CACNA2D1: variants seen among roughly 807,000 people sequenced by gnomAD.
CACNA2D1 encodes voltage-dependent calcium channel subunit alpha-2/delta-1.
CACNA2D1 carries 53 observed loss-of-function variants against 171.5 expected under a neutral mutation model. That is an observed-to-expected ratio of 0.31 (90% CI 0.25 to 0.39). The LOEUF is 0.39. Ranked by LOEUF, CACNA2D1 falls within the 10% of genes least tolerant of loss-of-function variation. The pLI is 1.00. For missense variants in CACNA2D1, 903 were observed against 1,299.8 expected (o/e 0.69, Z 4.69); for synonymous variants, 442 against 443.1 (o/e 1.00, Z 0.03).
At chr7:81,961,561 G>A (rs947961125) in intron 36 of CACNA2D1, among the ~76,000 whole-genome samples, 2 of 150,918 alleles carry the variant, frequency 1.3e-5, no homozygotes, top group Non-Finnish European at 3.0e-5. Flanking sequence ...TTTTTAATAT[G>A]GGTTATTTTA....
chr7:82,191,711 C>T (rs552686306), intron 3 of CACNA2D1, among the ~76,000 whole-genome samples: 1 of 151,864 alleles, frequency 6.6e-6, no homozygotes, highest in Non-Finnish European at 1.5e-5. Flanking sequence ...TTGTTAGAGG[C>T]ATACGTGTGT....
At chr7:82,299,006 T>C (rs1414234336) in intron 3 of CACNA2D1, among the ~76,000 whole-genome samples, 2 of 145,028 alleles carry the variant, frequency 1.4e-5, no homozygotes, top group Non-Finnish European at 3.0e-5. Context: ...GAGGCTGCAG[T>C]GAGCTGAGAT....
intron 1 of CACNA2D1, among the ~76,000 whole-genome samples, chr7:82,394,149 G>A (rs1585790853): frequency 6.6e-6 from 1 of 152,280 alleles, no homozygotes; most frequent in Non-Finnish European, 1.5e-5. Flanking sequence ...GGTTGAAAAT[G>A]GAGGGGGAGG....
At chr7:82,035,968 T>C (rs957545616) in intron 11 of CACNA2D1, among the ~76,000 whole-genome samples, 1 of 152,100 alleles carries the variant, frequency 6.6e-6, no homozygotes, top group Non-Finnish European at 1.5e-5. Flanking sequence ...GGGCTGCACA[T>C]CTCTGATTTT....
At chr7:82,016,431 A>G (rs1800458713) in intron 12 of CACNA2D1, among the ~76,000 whole-genome samples, 1 of 152,078 alleles carries the variant, frequency 6.6e-6, no homozygotes, top group Non-Finnish European at 1.5e-5. Flanking sequence ...CATCTAGTAA[A>G]ACATTTTTCA....
chr7:82,359,868 T>C (rs1196813845), intron 1 of CACNA2D1, among the ~76,000 whole-genome samples: 1 of 152,124 alleles, frequency 6.6e-6, no homozygotes, highest in East Asian at 1.9e-4. Flanking sequence ...ACAGGTAATA[T>C]CTATTGAGCA....
intron 6 of CACNA2D1, among the ~76,000 whole-genome samples, chr7:82,100,242 G>A (rs1812514701): frequency 6.6e-6 from 1 of 152,088 alleles, no homozygotes; most frequent in Admixed American, 6.5e-5. Context: ...TAGTCTCAAA[G>A]GGGCTTTTCC....
At chr7:82,179,662 G>C (rs1436497848) in intron 3 of CACNA2D1, among the ~76,000 whole-genome samples, 1 of 152,066 alleles carries the variant, frequency 6.6e-6, no homozygotes, top group Non-Finnish European at 1.5e-5. Context: ...AACTAAGGAA[G>C]CATAATATAG....
chr7:82,321,829 A>T (rs1321511655), intron 3 of CACNA2D1, among the ~76,000 whole-genome samples: 3 of 152,150 alleles, frequency 2.0e-5, no homozygotes, highest in Non-Finnish European at 4.4e-5. Context: ...ATCATTTCTT[A>T]AAAAACAAGC....
chr7:82,374,222 G>A (rs1822751249), intron 1 of CACNA2D1, among the ~76,000 whole-genome samples: 1 of 152,142 alleles, frequency 6.6e-6, no homozygotes, highest in Non-Finnish European at 1.5e-5. Context: ...AGGTAATTTA[G>A]GAAGAGTCTC....
chr7:82,250,759 C>A (rs1805534945), intron 3 of CACNA2D1, among the ~76,000 whole-genome samples: 1 of 152,000 alleles, frequency 6.6e-6, no homozygotes, highest in African/African-American at 2.4e-5. Flanking sequence ...TTTGTCTGTT[C>A]TTCTTTTCTT....
chr7:82,416,573 G>A (rs1828188955), intron 1 of CACNA2D1, among the ~76,000 whole-genome samples: 1 of 152,136 alleles, frequency 6.6e-6, no homozygotes, highest in Non-Finnish European at 1.5e-5. Context: ...ATTCTTTGGT[G>A]TATGGCAGCA....
At position 82,415,198 on chromosome 7, in the gene CACNA2D1, T is replaced by A. The variant is rs570030230; in HGVS notation, c.95+28167A>T. Among the ~76,000 whole-genome samples the A allele has an allele frequency of 9.9e-5, 15 of 152,220 alleles. No homozygotes were observed. In the East Asian group the frequency reaches 2.9e-3, roughly 29 times the overall value. On this transcript the variant is annotated intron_variant, in intron 1 of 38. Transcript: ENST00000356860. ...TACAAATCTCTTTGTCCAAGAATGCTAGAAAAAATCCCTAGGCATGAAGTC... is the reference window on the plus strand; with the variant it reads ...TACAAATCTCTTTGTCCAAGAATGCAAGAAAAAATCCCTAGGCATGAAGTC...
intron 4 of CACNA2D1, among the ~76,000 whole-genome samples, chr7:82,162,404 C>G (rs537891089): frequency 1.3e-5 from 2 of 151,836 alleles, no homozygotes; most frequent in African/African-American, 4.8e-5. Context: ...AGAAAGAAAT[C>G]CACGGCTAGG....
intron 10 of CACNA2D1, among the ~76,000 whole-genome samples, chr7:82,044,039 C>G (rs781667586): frequency 6.6e-6 from 1 of 152,134 alleles, no homozygotes; most frequent in Non-Finnish European, 1.5e-5. Context: ...CTCAACCTGT[C>G]TTTTTAAAAT....
At position 82,281,027 on chromosome 7, in the gene CACNA2D1, T is replaced by C. The variant is rs543735453; in HGVS notation, c.294+54108A>G. ...CAAATTGGTCTGATCATTAAGGAAT[T>C]TACTAAACTGGAGAACAAGGAAGTC... On this transcript the variant is annotated intron_variant, in intron 3 of 38. Coordinates refer to ENST00000356860, the MANE Select transcript of CACNA2D1 (RefSeq NM_000722.4). Among the ~76,000 whole-genome samples the C allele has an allele frequency of 2.0e-5, 3 of 152,264 alleles. No homozygotes were observed. In the East Asian group the frequency reaches 5.8e-4, roughly 29 times the overall value.
intron 3 of CACNA2D1, among the ~76,000 whole-genome samples, chr7:82,247,288 T>A (rs528292880): frequency 2.2e-4 from 33 of 152,108 alleles, no homozygotes; most frequent in East Asian, 1.9e-3. Context: ...GGCGGGCAGA[T>A]CACTTGAGGC....
At chr7:82,437,986 C>T (rs886744108) in intron 1 of CACNA2D1, among the ~76,000 whole-genome samples, 1 of 152,110 alleles carries the variant, frequency 6.6e-6, no homozygotes, top group Non-Finnish European at 1.5e-5. Context: ...TTAATAGGTG[C>T]CAACATTTCA....
At chr7:82,117,213 C>T (rs773350758) in intron 5 of CACNA2D1, 40 bp from the exon 6 acceptor site, 208 of 1,599,244 alleles carry the variant, frequency 1.3e-4, no homozygotes, top group Non-Finnish European at 1.6e-4. Flanking sequence ...ACAATTTTTG[C>T]TAACATAAAT....
Sources: allele counts gnomAD v4.1 joint callset (sites outside exome capture counted in the v4.1 genomes callset), GRCh38; gene constraint gnomAD v4.1.1; transcripts MANE v1.5; gene names NCBI Gene and HGNC (gene_info 2026-07-23, HGNC 2026-07-21).